TACR1: variants seen among roughly 807,000 people sequenced by gnomAD.
TACR1 encodes the protein substance-P receptor.
In TACR1, 25 loss-of-function variants were observed where a neutral mutation model predicts 35.8. The observed-to-expected ratio is 0.70, with a 90% CI of 0.51 to 0.98. TACR1 has a LOEUF of 0.98. TACR1 is among the 50% of genes least tolerant of loss of function. The probability of loss-of-function intolerance (pLI) is 0.00; values close to 1 mark genes in which losing one functional copy is unlikely to be tolerated. For missense variants in TACR1, 478 were observed against 522.9 expected, an observed-to-expected ratio of 0.91 and a Z score of 0.84; for synonymous variants, 195 against 206.7, an observed-to-expected ratio of 0.94 and a Z score of 0.48.
chr2:75,094,788 C>T (rs528361576), intron 2 of TACR1, among the ~76,000 whole-genome samples: 16 of 145,226 alleles, frequency 1.1e-4, no homozygotes, highest in Middle Eastern at 3.7e-3. Flanking sequence ...GCAAGAATTT[C>T]AATATGCAGA....
At chr2:75,172,903 C>T (rs1351580326) in intron 1 of TACR1, among the ~76,000 whole-genome samples, 1 of 152,048 alleles carries the variant, frequency 6.6e-6, no homozygotes, top group African/African-American at 2.4e-5. Flanking sequence ...TTCATATTGC[C>T]TTTCCTCTAT....
intron 2 of TACR1, among the ~76,000 whole-genome samples, chr2:75,071,933 G>C (rs927994510): frequency 6.6e-6 from 1 of 152,174 alleles, no homozygotes; most frequent in Non-Finnish European, 1.5e-5. Flanking sequence ...TTTCAGTGTC[G>C]GGATGGAGAC....
intron 1 of TACR1, among the ~76,000 whole-genome samples, chr2:75,151,683 G>A: frequency 6.6e-6 from 1 of 152,274 alleles, no homozygotes; most frequent in South Asian, 2.1e-4. Flanking sequence ...AGTTCCTACT[G>A]GGACACTGCC....
At chr2:75,075,866 A>G (rs1248200513) in intron 2 of TACR1, among the ~76,000 whole-genome samples, 2 of 152,266 alleles carry the variant, frequency 1.3e-5, no homozygotes, top group East Asian at 1.9e-4. Context: ...ATAGGAATAT[A>G]TAATCTTAAT....
chr2:75,087,714 T>C (rs1217741507), intron 2 of TACR1, among the ~76,000 whole-genome samples: 1 of 152,232 alleles, frequency 6.6e-6, no homozygotes, highest in African/African-American at 2.4e-5. Context: ...TTCTGTTCAC[T>C]TCCTTGCCTT....
At chr2:75,138,797 A>T (rs1674347119) in intron 1 of TACR1, among the ~76,000 whole-genome samples, 1 of 152,128 alleles carries the variant, frequency 6.6e-6, no homozygotes, top group South Asian at 2.1e-4. Context: ...TCAAATACTG[A>T]GTACCTATCA....
At chr2:75,138,964 A>G (rs1674350004) in intron 1 of TACR1, among the ~76,000 whole-genome samples, 1 of 152,208 alleles carries the variant, frequency 6.6e-6, no homozygotes. Context: ...CCTATGAAAA[A>G]GAACGGTCAT....
chr2:75,155,920 AT>A (rs1181679620), intron 1 of TACR1, among the ~76,000 whole-genome samples: 1 of 152,180 alleles, frequency 6.6e-6, no homozygotes, highest in Non-Finnish European at 1.5e-5. Flanking sequence ...CCTGCTGCCT[AT>A]TTTTTTATAT....
At chr2:75,131,529 G>T (rs1470065250) in intron 1 of TACR1, among the ~76,000 whole-genome samples, 2 of 152,128 alleles carry the variant, frequency 1.3e-5, no homozygotes, top group African/African-American at 2.4e-5. Flanking sequence ...GTACTAATAT[G>T]AATACATTAT....
intron 2 of TACR1, among the ~76,000 whole-genome samples, chr2:75,071,188 G>A (rs960331806): frequency 2.6e-5 from 4 of 152,212 alleles, no homozygotes; most frequent in African/African-American, 9.6e-5. Flanking sequence ...TTAGAAAAAT[G>A]TGTTGATCCC....
chr2:75,091,201 CA>C (rs1184236584), intron 2 of TACR1, among the ~76,000 whole-genome samples: 10,630 of 63,370 alleles, frequency 0.17, 458 homozygotes, highest in East Asian at 0.33. Flanking sequence ...CTCGTAGGTG[CA>C]AAAAAAAAAA....
intron 4 of TACR1, among the ~76,000 whole-genome samples, chr2:75,050,578 A>G (rs1373991929): frequency 2.0e-5 from 3 of 152,096 alleles, no homozygotes; most frequent in Admixed American, 6.5e-5. Flanking sequence ...AATGCTGACC[A>G]CCATTCTGGA....
intron 1 of TACR1, among the ~76,000 whole-genome samples, chr2:75,152,329 G>C (rs777839877): frequency 3.2e-4 from 49 of 152,168 alleles, no homozygotes; most frequent in Non-Finnish European, 4.4e-4. Flanking sequence ...AGGAACCCAG[G>C]GGGAGGTAAT....
chr2:75,163,964 T>C (rs576136781), intron 1 of TACR1, among the ~76,000 whole-genome samples: 1 of 151,844 alleles, frequency 6.6e-6, no homozygotes, highest in Non-Finnish European at 1.5e-5. Context: ...ACCCTTGTCT[T>C]GAAAAAAAAA....
chr2:75,165,641 C>A (rs1675123135), intron 1 of TACR1, among the ~76,000 whole-genome samples: 1 of 152,096 alleles, frequency 6.6e-6, no homozygotes, highest in African/African-American at 2.4e-5. Context: ...AGCATTGGGC[C>A]ACTGGAGTAG....
intron 1 of TACR1, among the ~76,000 whole-genome samples, chr2:75,183,728 C>A (rs1199750227): frequency 6.6e-6 from 1 of 152,176 alleles, no homozygotes; most frequent in Non-Finnish European, 1.5e-5. Flanking sequence ...GCGTTTATAT[C>A]ATTTTCTGGT....
chr2:75,114,299 TGA>T (rs1259381396), intron 2 of TACR1, among the ~76,000 whole-genome samples: 1 of 152,216 alleles, frequency 6.6e-6, no homozygotes, highest in Non-Finnish European at 1.5e-5. Flanking sequence ...TATCAGAAAA[TGA>T]CATATGACCA....
At chr2:75,066,863 T>C (rs779260251) in intron 2 of TACR1, among the ~76,000 whole-genome samples, 13 of 152,244 alleles carry the variant, frequency 8.5e-5, no homozygotes, top group Non-Finnish European at 1.6e-4. Context: ...GTGAATTGTG[T>C]GTGAGAGGAC....
chr2:75,139,364 G>T (rs1227051058), intron 1 of TACR1, among the ~76,000 whole-genome samples: 1 of 152,192 alleles, frequency 6.6e-6, no homozygotes, highest in Non-Finnish European at 1.5e-5. Flanking sequence ...CTCAGGCTAG[G>T]ATCAGAGATC....
Sources: allele counts gnomAD v4.1 joint callset (sites outside exome capture counted in the v4.1 genomes callset), GRCh38; gene constraint gnomAD v4.1.1; transcripts MANE v1.5; gene names NCBI Gene and HGNC (gene_info 2026-07-23, HGNC 2026-07-21).